ANKS1B: variants seen among roughly 807,000 people sequenced by gnomAD.
ANKS1B encodes ankyrin repeat and sterile alpha motif domain containing 1B.
In ANKS1B, 36 loss-of-function variants were observed where a neutral mutation model predicts 148.3. That is an observed-to-expected ratio of 0.24 (90% CI 0.19 to 0.32). The LOEUF is 0.32. Ranked by LOEUF, ANKS1B falls within the 10% of genes least tolerant of loss-of-function variation. The pLI is 1.00. For missense variants in ANKS1B, 1,157 were observed against 1,542.6 expected (o/e 0.75, Z 4.19); for synonymous variants, 542 against 560.8 (o/e 0.97, Z 0.47).
rs1480505019 is a variant in ANKS1B at position 99,323,461 on chromosome 12, A to G, written c.1756+76170T>C. Among the ~76,000 whole-genome samples the G allele has an allele frequency of 3.9e-5, 6 of 152,242 alleles. No individual in the cohort carries two copies. In the East Asian group the frequency reaches 1.2e-3, roughly 29 times the overall value. ...TTAGCCAGCATAGGTTCCTGGCATC[A>G]TTTCTTCTCAACCCCAACAGAGGCT... On this transcript the variant is annotated intron_variant, in intron 12 of 26. Coordinates refer to ENST00000683438, the MANE Select transcript of ANKS1B (RefSeq NM_001352186.2).
At chr12:99,831,201 A>G (rs2083925473) in intron 1 of ANKS1B, among the ~76,000 whole-genome samples, 1 of 150,890 alleles carries the variant, frequency 6.6e-6, no homozygotes. Context: ...TATATGAAAA[A>G]TGTCAACCTC....
chr12:98,763,556 A>C (rs1008970702), intron 25 of ANKS1B, among the ~76,000 whole-genome samples: 2 of 152,230 alleles, frequency 1.3e-5, no homozygotes, highest in Non-Finnish European at 2.9e-5. Context: ...AATTTTGAAA[A>C]TACTAAGAAT....
intron 26 of ANKS1B, among the ~76,000 whole-genome samples, chr12:98,749,207 T>C (rs2097999099): frequency 6.6e-6 from 1 of 151,884 alleles, no homozygotes; most frequent in Admixed American, 6.6e-5. Context: ...CAAGCCATTC[T>C]CCTGCCTCAG....
chr12:98,758,403 A>G (rs975909235), intron 25 of ANKS1B, among the ~76,000 whole-genome samples: 2 of 152,258 alleles, frequency 1.3e-5, no homozygotes, highest in Non-Finnish European at 2.9e-5. Flanking sequence ...TCTGTTTTAA[A>G]AAGTTTAAAA....
chr12:99,683,530 G>T (rs894841234), intron 8 of ANKS1B, among the ~76,000 whole-genome samples: 6 of 151,926 alleles, frequency 3.9e-5, no homozygotes, highest in Admixed American at 1.3e-4. Context: ...GGAATTCACC[G>T]CTGAATTCTA....
chr12:99,386,193 T>C (rs139436308), intron 12 of ANKS1B: 1 of 152,228 alleles, frequency 6.6e-6, no homozygotes, highest in Non-Finnish European at 1.5e-5. Context: ...GTAGCATATG[T>C]GCCTTCCTAA....
chr12:99,244,946 C>G (rs1382418442), intron 13 of ANKS1B, among the ~76,000 whole-genome samples: 1 of 152,170 alleles, frequency 6.6e-6, no homozygotes, highest in Non-Finnish European at 1.5e-5. Context: ...CCTCCGCCGC[C>G]CAGGTCCAAA....
At chr12:99,752,359 A>T (rs189965475) in intron 8 of ANKS1B, among the ~76,000 whole-genome samples, 1 of 152,070 alleles carries the variant, frequency 6.6e-6, no homozygotes, top group Admixed American at 6.6e-5. Context: ...CTGTATTTCA[A>T]TTATTTGGTA....
chr12:99,808,427 C>G lies in ANKS1B; in HGVS notation c.373-1727G>C, dbSNP rs1371527573. On this transcript the variant is annotated intron_variant, in intron 3 of 26. Transcript: ENST00000683438. Reference sequence around the variant, plus strand: ...GTATCAAGAGAGAGCATTTGAAGGTCAAACCCACAGGGAAAAATCTACTCT... The same window carrying G: ...GTATCAAGAGAGAGCATTTGAAGGTGAAACCCACAGGGAAAAATCTACTCT... Among the ~76,000 whole-genome samples the G allele has an allele frequency of 3.3e-5, 5 of 152,180 alleles. No homozygotes were observed. In the East Asian group the frequency reaches 9.7e-4, roughly 29 times the overall value.
At chr12:99,198,363 G>A (rs943619352) in intron 14 of ANKS1B, among the ~76,000 whole-genome samples, 1 of 152,036 alleles carries the variant, frequency 6.6e-6, no homozygotes, top group African/African-American at 2.4e-5. Flanking sequence ...GATTTATATA[G>A]GAATGAGAAA....
intron 19 of ANKS1B, among the ~76,000 whole-genome samples, chr12:98,827,144 G>A (rs747358768): frequency 6.6e-6 from 1 of 152,074 alleles, no homozygotes; most frequent in Admixed American, 6.6e-5. Context: ...CCATACTAGC[G>A]ATCATGCTCA....
At chr12:99,360,055 A>T (rs551579981) in intron 12 of ANKS1B, among the ~76,000 whole-genome samples, 2 of 152,300 alleles carry the variant, frequency 1.3e-5, no homozygotes, top group South Asian at 2.1e-4. Context: ...GAAGAAAACT[A>T]CAGTAAACTC....
intron 9 of ANKS1B, among the ~76,000 whole-genome samples, chr12:99,547,227 T>G (rs1368670563): frequency 2.0e-5 from 3 of 152,122 alleles, no homozygotes; most frequent in African/African-American, 7.2e-5. Flanking sequence ...ATCACACAAC[T>G]TTGTACAATA....
At chr12:99,439,110 A>C (rs1404204653) in intron 11 of ANKS1B, among the ~76,000 whole-genome samples, 1 of 151,810 alleles carries the variant, frequency 6.6e-6, no homozygotes, top group Non-Finnish European at 1.5e-5. Flanking sequence ...TCAGTAAATA[A>C]CAATTTTTTT....
At chr12:99,465,471 T>C (rs1254821339) in intron 10 of ANKS1B, among the ~76,000 whole-genome samples, 1 of 152,164 alleles carries the variant, frequency 6.6e-6, no homozygotes, top group East Asian at 1.9e-4. Context: ...ATGGACTAAA[T>C]GCTCCAATTA....
In ANKS1B at chr12:99,648,076, C is replaced by T. The variant is rs2098388960; in HGVS notation, c.1272+6991G>A. The T allele has an allele frequency of 3.3e-6, 5 of 1,497,212 alleles. No individual in the cohort carries two copies. The Admixed American group carries it at 8.8e-5, about 26-fold the overall frequency. The allele number at this position is 1,497,212 out of a possible 1,614,324, so 92.7% of individuals were successfully genotyped here. ...AAAGCCTGCAGAACACGACTGCTGG[C>T]CCACCTGCCAGAGTAGCCAAGGAAA... On this transcript the variant is annotated intron_variant, in intron 9 of 26. Coordinates refer to ENST00000683438, the MANE Select transcript of ANKS1B (RefSeq NM_001352186.2).
chr12:99,739,154 G>C (rs2059864418), intron 8 of ANKS1B, among the ~76,000 whole-genome samples: 1 of 151,484 alleles, frequency 6.6e-6, no homozygotes, highest in African/African-American at 2.4e-5. Context: ...GTCTTTAAGG[G>C]ATGCAAATGC....
At chr12:99,638,817 AG>A (rs2098270206) in intron 9 of ANKS1B, among the ~76,000 whole-genome samples, 2 of 152,170 alleles carry the variant, frequency 1.3e-5, no homozygotes, top group African/African-American at 4.8e-5. Context: ...AGCTGGGTCC[AG>A]GGTCCCCCGT....
At chr12:99,219,160 T>A (rs547099241) in intron 14 of ANKS1B, among the ~76,000 whole-genome samples, 1 of 152,200 alleles carries the variant, frequency 6.6e-6, no homozygotes, top group Non-Finnish European at 1.5e-5. Flanking sequence ...TCCGCCCAGC[T>A]TGACTAAATT....
Sources: gnomAD v4.1 joint callset for allele counts (sites outside exome capture counted in the v4.1 genomes callset) on GRCh38, gnomAD v4.1.1 for gene constraint, MANE v1.5 for transcripts, NCBI Gene and HGNC (gene_info 2026-07-23, HGNC 2026-07-21) for gene names.